Variants in CCSER1 observed in about 807,000 individuals in gnomAD.
CCSER1 encodes serine-rich coiled-coil domain-containing protein 1.
In CCSER1, 41 loss-of-function variants were observed where a neutral mutation model predicts 82.0. That is an observed-to-expected ratio of 0.50 (90% confidence interval 0.39 to 0.65). CCSER1 has a LOEUF of 0.65. Among genes scored for constraint, CCSER1 ranks in the 30% least tolerant of loss-of-function variants. The probability of loss-of-function intolerance (pLI) is 0.00; values close to 1 mark genes in which losing one functional copy is unlikely to be tolerated. For synonymous variants in CCSER1, 414 were observed against 383.9 expected (o/e 1.08, Z -0.92); for missense variants, 1,119 against 1,064.2 (o/e 1.05, Z -0.72).
Position 90,927,433 on chromosome 4 carries a change from G to C in CCSER1, c.2172+3986G>C, listed in dbSNP as rs150417598. Among the ~76,000 whole-genome samples the C allele has an allele frequency of 2.2e-3, 331 of 152,004 alleles. 2 individuals carry two copies. The highest frequency in any genetic ancestry group is 3.6e-3 in the Non-Finnish European group (245 of 67,838). On this transcript the variant is annotated intron_variant, in intron 9 of 10. Transcript: ENST00000509176. Reference sequence around the variant, plus strand: ...AAATATTAAATTATTATTAATTACTGTTAGTTTAAATATCATTAGGGGTTT... The same window carrying C: ...AAATATTAAATTATTATTAATTACTCTTAGTTTAAATATCATTAGGGGTTT...
At chr4:90,699,340 C>T (rs1299157351) in intron 6 of CCSER1, among the ~76,000 whole-genome samples, 1 of 152,104 alleles carries the variant, frequency 6.6e-6, no homozygotes, top group Non-Finnish European at 1.5e-5. Flanking sequence ...TGGTACACGC[C>T]TGTAATCCCA....
chr4:90,284,553 G>A (rs919815921), intron 1 of CCSER1, among the ~76,000 whole-genome samples: 1 of 150,550 alleles, frequency 6.6e-6, no homozygotes, highest in Non-Finnish European at 1.5e-5. Context: ...GAGTACAGTG[G>A]TGCAATCATG....
chr4:90,322,500 T>C (rs1737352266), intron 3 of CCSER1, among the ~76,000 whole-genome samples: 1 of 152,332 alleles, frequency 6.6e-6, no homozygotes, highest in East Asian at 1.9e-4. Context: ...TAGGATCATT[T>C]TTCTATATCT....
chr4:90,337,831 CA>C (rs1018345811), intron 3 of CCSER1, among the ~76,000 whole-genome samples: 1 of 151,430 alleles, frequency 6.6e-6, no homozygotes, highest in Non-Finnish European at 1.5e-5. Flanking sequence ...TTTTCCCAAA[CA>C]AAAAAAATGA....
At chr4:90,686,312 T>A (rs149879713) in intron 6 of CCSER1, among the ~76,000 whole-genome samples, 1 of 152,264 alleles carries the variant, frequency 6.6e-6, no homozygotes, top group East Asian at 1.9e-4. Flanking sequence ...ACATATATTA[T>A]GTGTTCCTTC....
At chr4:91,457,909 A>G (rs1756281627) in intron 10 of CCSER1, among the ~76,000 whole-genome samples, 1 of 152,198 alleles carries the variant, frequency 6.6e-6, no homozygotes, top group Admixed American at 6.5e-5. Flanking sequence ...ATTATATTAG[A>G]TACAAGTGTA....
chr4:90,824,635 A>T (rs1344280125), intron 8 of CCSER1, among the ~76,000 whole-genome samples: 1 of 152,146 alleles, frequency 6.6e-6, no homozygotes, highest in Non-Finnish European at 1.5e-5. Context: ...CATGAAAATC[A>T]TATCATGAAT....
intron 6 of CCSER1, among the ~76,000 whole-genome samples, chr4:90,721,791 A>G (rs1047225380): frequency 2.6e-5 from 4 of 151,582 alleles, no homozygotes; most frequent in African/African-American, 4.8e-5. Flanking sequence ...TGGGAAAACA[A>G]TAGGATAAAC....
intron 9 of CCSER1, among the ~76,000 whole-genome samples, chr4:90,969,965 TAAAGA>T: frequency 6.8e-6 from 1 of 148,014 alleles, no homozygotes; most frequent in African/African-American, 2.5e-5. Flanking sequence ...TAGATAAAGA[TAAAGA>T]AATCAAATTA....
rs1252716299 is a variant in CCSER1, at chr4:91,603,982, T to TG, written c.*4930dup. On this transcript the variant is annotated 3_prime_UTR_variant, in exon 11 of 11. Coordinates refer to ENST00000509176, the MANE Select transcript of CCSER1 (RefSeq NM_001145065.2). ...GCCCCAACTTCAAGCACCATCACACTGGGGGTTAGGGCTTCAACATATGAA... is the reference window on the plus strand; with the variant it reads ...GCCCCAACTTCAAGCACCATCACACTGGGGGGTTAGGGCTTCAACATATGAA... The TG allele has an allele frequency of 1.3e-4, 19 of 151,996 alleles. No individual in the cohort carries two copies. Among genetic ancestry groups the TG allele is most frequent in the African/African-American group, 4.3e-4 (18 of 41,472 alleles). 9.4% of individuals were successfully genotyped at this position (151,996 alleles called of 1,614,324 possible). A position where few individuals can be genotyped will look rare whatever the true frequency, so the allele number is the denominator to read the frequency against.
chr4:91,550,588 G>A (rs1762114779), intron 10 of CCSER1, among the ~76,000 whole-genome samples: 1 of 152,078 alleles, frequency 6.6e-6, no homozygotes, highest in Non-Finnish European at 1.5e-5. Flanking sequence ...GCTATTTCTG[G>A]TTCAGAAAAC....
At chr4:90,394,787 T>C (rs575602142) in intron 3 of CCSER1, among the ~76,000 whole-genome samples, 162 of 152,140 alleles carry the variant, frequency 1.1e-3, no homozygotes, top group Non-Finnish European at 1.7e-3. Context: ...TGACATTTCA[T>C]GTTATTAGTT....
At chr4:90,997,780 T>C (rs1035701162) in intron 9 of CCSER1, among the ~76,000 whole-genome samples, 25 of 152,202 alleles carry the variant, frequency 1.6e-4, no homozygotes, top group African/African-American at 6.0e-4. Context: ...ACTAAATTGC[T>C]AAGGAAATTT....
In CCSER1 at chr4:91,005,390, T is replaced by TACAC. The variant is rs10555507; in HGVS notation, c.2173-80536_2173-80533dup. 1.0e-3 allele frequency among the ~76,000 whole-genome samples: 154 copies of TACAC among 149,248 alleles called. 1 individual carries two copies. The highest frequency in any genetic ancestry group is 1.3e-3 in the African/African-American group (52 of 40,726). On this transcript the variant is annotated intron_variant, in intron 9 of 10. Coordinates refer to ENST00000509176, the MANE Select transcript of CCSER1 (RefSeq NM_001145065.2). ...TGTTTTATATATCATGAAGTAATTT[T>TACAC]ACACACACACACACACACACACACA...
At chr4:90,280,346 TC>T (rs1728634799) in intron 1 of CCSER1, among the ~76,000 whole-genome samples, 2 of 151,700 alleles carry the variant, frequency 1.3e-5, no homozygotes, top group African/African-American at 4.8e-5. Context: ...TTCTCTCCCT[TC>T]CTCTCTCTCT....
chr4:90,497,442 T>C (rs1202453612), intron 5 of CCSER1, among the ~76,000 whole-genome samples: 1 of 152,196 alleles, frequency 6.6e-6, no homozygotes, highest in Non-Finnish European at 1.5e-5. Flanking sequence ...AGTATTTTGT[T>C]CTTTTTTTGT....
chr4:91,379,854 G>T (rs891261534), intron 10 of CCSER1, among the ~76,000 whole-genome samples: 18 of 152,106 alleles, frequency 1.2e-4, no homozygotes, highest in African/African-American at 4.3e-4. Flanking sequence ...GTCAATTTTA[G>T]ATCTTTCCTG....
intron 8 of CCSER1, among the ~76,000 whole-genome samples, chr4:90,831,541 C>T (rs2904371): frequency 0.58 from 88,337 of 151,960 alleles, 26,472 homozygotes; most frequent in African/African-American, 0.73. Flanking sequence ...GGCTACATAA[C>T]TTGAGTTATC....
intron 10 of CCSER1, among the ~76,000 whole-genome samples, chr4:91,234,426 T>C (rs1738848606): frequency 6.6e-6 from 1 of 152,068 alleles, no homozygotes. Context: ...ATAGCTCAAT[T>C]AGAGGTTAAC....
Sources: allele counts gnomAD v4.1 joint callset (sites outside exome capture counted in the v4.1 genomes callset), GRCh38; gene constraint gnomAD v4.1.1; transcripts MANE v1.5; gene names NCBI Gene and HGNC (gene_info 2026-07-23, HGNC 2026-07-21).